Variants in OPCML observed in about 807,000 individuals in gnomAD.
The protein encoded by OPCML is opioid-binding protein/cell adhesion molecule.
Under a neutral mutation model 37.8 loss-of-function variants are expected in OPCML, and 13 were observed. The ratio of observed to expected loss-of-function variants is 0.34; its 90% CI spans 0.22 to 0.55. The LOEUF (loss-of-function observed/expected upper bound fraction) is 0.55, where lower values mean the gene tolerates loss of function less well. OPCML is among the 20% of genes least tolerant of loss of function. OPCML has a pLI of 0.91. For missense variants in OPCML, 341 were observed against 435.6 expected (o/e 0.78, Z 1.93); for synonymous variants, 176 against 168.8 (o/e 1.04, Z -0.33).
intron 1 of OPCML, among the ~76,000 whole-genome samples, chr11:132,944,726 T>C (rs1311158983): frequency 6.6e-6 from 1 of 152,112 alleles, no homozygotes; most frequent in African/African-American, 2.4e-5. Context: ...CTTTCTTTGG[T>C]CTCGGATTTG....
intron 2 of OPCML, among the ~76,000 whole-genome samples, chr11:132,733,815 G>T (rs1945165364): frequency 6.6e-6 from 1 of 152,206 alleles, no homozygotes; most frequent in South Asian, 2.1e-4. Flanking sequence ...CCACGGAGAT[G>T]CTGACAGATT....
chr11:132,662,648 G>A (rs1307012420), intron 2 of OPCML, among the ~76,000 whole-genome samples: 1 of 152,208 alleles, frequency 6.6e-6, no homozygotes, highest in African/African-American at 2.4e-5. Context: ...TGTATCATGG[G>A]AACTGTGGAT....
At chr11:132,588,370 G>T (rs1288941779) in intron 3 of OPCML, among the ~76,000 whole-genome samples, 1 of 152,194 alleles carries the variant, frequency 6.6e-6, no homozygotes, top group Non-Finnish European at 1.5e-5. Flanking sequence ...CAGCAGAGAT[G>T]CTGGCTGAGA....
intron 4 of OPCML, among the ~76,000 whole-genome samples, chr11:132,437,963 G>A (rs1050181375): frequency 6.6e-6 from 1 of 152,196 alleles, no homozygotes; most frequent in African/African-American, 2.4e-5. Context: ...CTTTGTAATA[G>A]ATGCTCAATA....
chr11:132,607,684 A>T (rs1938391282), intron 3 of OPCML, among the ~76,000 whole-genome samples: 1 of 152,214 alleles, frequency 6.6e-6, no homozygotes, highest in Non-Finnish European at 1.5e-5. Context: ...TGAGTTCATT[A>T]GCTGTGTAAT....
chr11:133,353,155 C>G (rs983286870), intron 1 of OPCML, among the ~76,000 whole-genome samples: 1 of 152,090 alleles, frequency 6.6e-6, no homozygotes, highest in Non-Finnish European at 1.5e-5. Context: ...CCTGTAAGCC[C>G]CTATTTTGTT....
chr11:132,565,556 C>T, intron 3 of OPCML, among the ~76,000 whole-genome samples: 1 of 152,188 alleles, frequency 6.6e-6, no homozygotes, highest in East Asian at 1.9e-4. Flanking sequence ...TCAGGCTTGA[C>T]ATTGACTACA....
At chr11:133,017,404 A>T (rs1016687958) in intron 1 of OPCML, among the ~76,000 whole-genome samples, 8 of 146,904 alleles carry the variant, frequency 5.4e-5, no homozygotes, top group South Asian at 4.4e-4. Flanking sequence ...TTATTTATTT[A>T]TTTTTTTTTT....
intron 1 of OPCML, among the ~76,000 whole-genome samples, chr11:133,373,819 T>C (rs1055287110): frequency 1.3e-5 from 2 of 152,206 alleles, no homozygotes; most frequent in African/African-American, 4.8e-5. Flanking sequence ...TCTTTCCATG[T>C]CATATATAAA....
At chr11:133,057,358 G>A (rs923297635) in intron 1 of OPCML, among the ~76,000 whole-genome samples, 1 of 152,144 alleles carries the variant, frequency 6.6e-6, no homozygotes, top group Non-Finnish European at 1.5e-5. Context: ...GCTGGATTTG[G>A]TGCCCACTCC....
At chr11:132,999,125 T>C (rs1946942940) in intron 1 of OPCML, among the ~76,000 whole-genome samples, 1 of 152,178 alleles carries the variant, frequency 6.6e-6, no homozygotes, top group South Asian at 2.1e-4. Context: ...GTGGGACTAG[T>C]TCCTGCTCCC....
chr11:132,732,720 G>T (rs534061153), intron 2 of OPCML, among the ~76,000 whole-genome samples: 2 of 152,178 alleles, frequency 1.3e-5, no homozygotes, highest in South Asian at 4.1e-4. Flanking sequence ...AAGAGAGATT[G>T]TTAGGTTATA....
intron 7 of OPCML, among the ~76,000 whole-genome samples, chr11:132,420,582 A>G (rs2095954921): frequency 6.6e-6 from 1 of 152,238 alleles, no homozygotes; most frequent in African/African-American, 2.4e-5. Context: ...AAGGCAACAC[A>G]TGGAAAGGCA....
chr11:132,817,357 T>G (rs1384046029), intron 2 of OPCML, among the ~76,000 whole-genome samples: 1 of 152,178 alleles, frequency 6.6e-6, no homozygotes, highest in Non-Finnish European at 1.5e-5. Flanking sequence ...TATACAATTT[T>G]ATTAATATAA....
chr11:133,342,347 C>T (rs11223441), intron 1 of OPCML, among the ~76,000 whole-genome samples: 31,239 of 152,114 alleles, frequency 0.21, 3,902 homozygotes, highest in East Asian at 0.59. Context: ...GGAAACACCG[C>T]GCCCCGCACT....
intron 1 of OPCML, among the ~76,000 whole-genome samples, chr11:133,153,880 C>G (rs926083332): frequency 1.3e-5 from 2 of 152,116 alleles, no homozygotes; most frequent in African/African-American, 4.8e-5. Context: ...AGTTGGAGTT[C>G]CCTTGCTGAG....
At chr11:132,902,713 G>A (rs1468829738) in intron 2 of OPCML, among the ~76,000 whole-genome samples, 1 of 151,782 alleles carries the variant, frequency 6.6e-6, no homozygotes, top group Non-Finnish European at 1.5e-5. Context: ...ACAGGGAGGG[G>A]CTCTCTCTTG....
intron 1 of OPCML, among the ~76,000 whole-genome samples, chr11:133,494,950 T>C (rs1331012186): frequency 6.6e-6 from 1 of 152,140 alleles, no homozygotes. Flanking sequence ...GTACAGGTGG[T>C]ATTTGGTTAC....
At position 132,508,157 on chromosome 11, in the gene OPCML, C is replaced by T. The variant is rs115435225; in HGVS notation, c.505+20904G>A. 4.1e-3 allele frequency among the ~76,000 whole-genome samples: 617 copies of T among 152,214 alleles called. 8 individuals are homozygous for T. The highest frequency in any genetic ancestry group is 0.014 in the African/African-American group (588 of 41,528). On this transcript the variant is annotated intron_variant, in intron 4 of 7. Coordinates refer to ENST00000524381, the MANE Select transcript of OPCML (RefSeq NM_001012393.5). ...TATTATTAAATACTGCTTTGGAATACGTTGATATCAGTTATTTTTAAACTC... is the reference window on the plus strand; with the variant it reads ...TATTATTAAATACTGCTTTGGAATATGTTGATATCAGTTATTTTTAAACTC...
Sources: allele counts gnomAD v4.1 joint callset (sites outside exome capture counted in the v4.1 genomes callset), GRCh38; gene constraint gnomAD v4.1.1; transcripts MANE v1.5; gene names NCBI Gene and HGNC (gene_info 2026-07-23, HGNC 2026-07-21).